COL4A1: variants seen among roughly 807,000 people sequenced by gnomAD.
COL4A1 encodes collagen alpha-1(IV) chain.
In COL4A1, 40 loss-of-function variants were observed where a neutral mutation model predicts 216.6. The observed-to-expected ratio is 0.18, with a 90% CI of 0.14 to 0.24. The LOEUF is 0.24. Ranked by LOEUF, COL4A1 falls within the 10% of genes least tolerant of loss-of-function variation. The probability of loss-of-function intolerance (pLI) is 1.00; values close to 1 mark genes in which losing one functional copy is unlikely to be tolerated. For missense variants in COL4A1, 1,628 were observed against 2,196.8 expected, an observed-to-expected ratio of 0.74 and a Z score of 5.18; for synonymous variants, 839 against 810.7, an observed-to-expected ratio of 1.03 and a Z score of -0.59.
chr13:110,227,692 C>G (rs1379037573), intron 2 of COL4A1, among the ~76,000 whole-genome samples: 1 of 152,222 alleles, frequency 6.6e-6, no homozygotes, highest in Non-Finnish European at 1.5e-5. Context: ...GGAAACTGAG[C>G]TCTCATGGGA....
intron 29 of COL4A1, among the ~76,000 whole-genome samples, chr13:110,180,536 G>A (rs1313328777): frequency 2.6e-5 from 4 of 152,260 alleles, no homozygotes; most frequent in South Asian, 2.1e-4. Context: ...ATCGATGGCC[G>A]TTGGCCCTTT....
At chr13:110,295,463 T>C (rs1884240816) in intron 1 of COL4A1, among the ~76,000 whole-genome samples, 1 of 150,396 alleles carries the variant, frequency 6.6e-6, no homozygotes, top group South Asian at 2.1e-4. Context: ...GTTGCTCTTG[T>C]TGCCCAGGCT....
At chr13:110,209,369 C>T (rs1566376029) in intron 11 of COL4A1, 23 bp downstream of exon 11, 2 of 1,610,268 alleles carry the variant, frequency 1.2e-6, no homozygotes, top group Admixed American at 1.7e-5. Flanking sequence ...TGCCAAAGAA[C>T]AAAAAATGAA....
chr13:110,250,624 G>T (rs1240934324), intron 1 of COL4A1, among the ~76,000 whole-genome samples: 3 of 152,174 alleles, frequency 2.0e-5, no homozygotes, highest in Non-Finnish European at 4.4e-5. Flanking sequence ...GCAAGCAGAT[G>T]TGAGTATGAT....
At position 110,260,608 on chromosome 13, in the gene COL4A1, C is replaced by T. The variant is rs116520734; in HGVS notation, c.85-17874G>A. ...AGATGAAGACGGAATGCATGCCTCT[C>T]GTGCTGACATACAGTATGACATTTT... On this transcript the variant is annotated intron_variant, in intron 1 of 51. Coordinates refer to ENST00000375820, the MANE Select transcript of COL4A1 (RefSeq NM_001845.6). Among the ~76,000 whole-genome samples, 173 of 152,314 alleles carry T rather than the reference C, an allele frequency of 1.1e-3. 1 individual carries two copies. Among genetic ancestry groups the T allele is most frequent in the African/African-American group, 3.8e-3 (159 of 41,560 alleles).
rs1880417461 is a variant in COL4A1 at position 110,220,386 on chromosome 13, T to C, written c.145-6371A>G. On this transcript the variant is annotated intron_variant, in intron 2 of 51. Transcript: ENST00000375820. ...ATGGTCTAACACAAAGCCTGTTTTA[T>C]AATAAAGTGTTTAATATCTTGTGTA... 3.3e-5 allele frequency among the ~76,000 whole-genome samples: 5 copies of C among 152,214 alleles called. No homozygotes were observed. In the South Asian group the frequency reaches 1.0e-3, roughly 31 times the overall value.
intron 51 of COL4A1, among the ~76,000 whole-genome samples, chr13:110,151,353 C>T (rs76132325): frequency 0.025 from 3,767 of 151,828 alleles, 60 homozygotes; most frequent in East Asian, 0.036. Context: ...AAGAGGACAC[C>T]GCAAGGGCTG....
At position 110,149,698 on chromosome 13, in the gene COL4A1, C is replaced by T. The variant is rs1212654272; in HGVS notation, c.*665G>A. 7 of 152,266 alleles carry T rather than the reference C, an allele frequency of 4.6e-5. No homozygotes were observed. The highest frequency in any genetic ancestry group is 1.2e-4 in the African/African-American group (5 of 41,380). The allele number at this position is 152,266 out of a possible 1,614,324, so 9.4% of individuals were successfully genotyped here. On this transcript the variant is annotated 3_prime_UTR_variant, in exon 52 of 52. Transcript: ENST00000375820. ...AAACCTTGATCTGCCTAATTGCTGACATCTATATAAATTACTAATATATAT... is the reference window on the plus strand; with the variant it reads ...AAACCTTGATCTGCCTAATTGCTGATATCTATATAAATTACTAATATATAT...
intron 18 of COL4A1, among the ~76,000 whole-genome samples, chr13:110,203,081 C>G (rs1042712287): frequency 6.6e-6 from 1 of 151,974 alleles, no homozygotes; most frequent in African/African-American, 2.4e-5. Flanking sequence ...GGCATGGTGG[C>G]GGGCACCTGC....
intron 4 of COL4A1, among the ~76,000 whole-genome samples, chr13:110,213,140 G>C (rs1879900342): frequency 6.6e-6 from 1 of 152,146 alleles, no homozygotes; most frequent in South Asian, 2.1e-4. Context: ...AAGGAGGTGA[G>C]GGATCAAAAA....
At chr13:110,258,171 T>TA (rs1445410067) in intron 1 of COL4A1, among the ~76,000 whole-genome samples, 1 of 152,230 alleles carries the variant, frequency 6.6e-6, no homozygotes, top group African/African-American at 2.4e-5. Flanking sequence ...AGAAAACCTT[T>TA]TGCTACCACA....
intron 25 of COL4A1, 77 bp from the exon 26 acceptor site, chr13:110,186,630 T>G (rs1207212310): frequency 3.2e-6 from 5 of 1,560,892 alleles, no homozygotes; most frequent in Admixed American, 3.7e-5. Context: ...CTTCTGACAT[T>G]TGTGGTCAAT....
At chr13:110,162,738 T>C (rs180921908) in intron 47 of COL4A1, among the ~76,000 whole-genome samples, 1 of 152,232 alleles carries the variant, frequency 6.6e-6, no homozygotes, top group East Asian at 1.9e-4. Flanking sequence ...ATATGACACA[T>C]ATGAAAATGG....
intron 2 of COL4A1, among the ~76,000 whole-genome samples, chr13:110,222,577 T>C (rs1880544112): frequency 7.3e-6 from 1 of 137,570 alleles, no homozygotes; most frequent in Admixed American, 7.8e-5. Flanking sequence ...ATCGAGACCA[T>C]CCTGGCTAAC....
At position 110,209,814 on chromosome 13, in the gene COL4A1, C is replaced by T. The variant is rs41275098; in HGVS notation, c.615+166G>A. 0.074 allele frequency: 63,749 copies of T among 860,440 alleles called. 2,478 individuals are homozygous for T. The highest frequency in any genetic ancestry group is 0.08 in the Non-Finnish European group (40,008 of 502,346). The allele number at this position is 860,440 out of a possible 1,614,324, so 53.3% of individuals were successfully genotyped here. On this transcript the variant is annotated intron_variant, in intron 10 of 51. Coordinates refer to ENST00000375820, the MANE Select transcript of COL4A1 (RefSeq NM_001845.6). ...CCCACAGCTCTGGGTATATGGGTACCGGGATGCCAGCCAAACGTTTAGTAA... is the reference window on the plus strand; with the variant it reads ...CCCACAGCTCTGGGTATATGGGTACTGGGATGCCAGCCAAACGTTTAGTAA...
intron 41 of COL4A1, 98 bp downstream of exon 41, chr13:110,172,622 A>T: frequency 8.3e-7 from 1 of 1,210,088 alleles, no homozygotes; most frequent in South Asian, 1.2e-5. Context: ...TGCCTGGCCA[A>T]CAGGCATGGG....
chr13:110,216,883 G>A (rs565974337), intron 2 of COL4A1, among the ~76,000 whole-genome samples: 133 of 152,128 alleles, frequency 8.7e-4, no homozygotes, highest in Non-Finnish European at 1.3e-3. Flanking sequence ...GTGACCCCTC[G>A]TGCTGCTGGG....
rs749107113 is a variant in COL4A1 at position 110,155,382 on chromosome 13, C to G, written c.4656G>C (p.Glu1552Asp). ...GCACGGCCATCACCATGGCAGGCGC[C>G]TCACACACAGCACACCTGGAAGTGG... ...RPFISRCAVC[E>D]APAMVMAVHS... The change falls in exon 50 of 52, where the codon GAG becomes GAC. Residue 1552 changes from glutamate (E) to aspartate (D), a missense_variant. This residue lies in a region of COL4A1 where 254 missense variants were observed against 300.1 expected (regional missense o/e 0.85). Coordinates refer to ENST00000375820, the MANE Select transcript of COL4A1 (RefSeq NM_001845.6). The G allele has an allele frequency of 6.2e-7, 1 of 1,614,006 alleles. No homozygotes were observed. Among genetic ancestry groups the G allele is most frequent in the Non-Finnish European group, 8.5e-7 (1 of 1,179,906 alleles).
At chr13:110,284,728 C>T (rs9588132) in intron 1 of COL4A1, among the ~76,000 whole-genome samples, 1 of 152,062 alleles carries the variant, frequency 6.6e-6, no homozygotes, top group African/African-American at 2.4e-5. Flanking sequence ...AAGAGAGGCT[C>T]GAATGGGCTT....
Sources: gnomAD v4.1 joint callset for allele counts (sites outside exome capture counted in the v4.1 genomes callset) on GRCh38, gnomAD v4.1.1 for gene constraint, gnomAD v4.1.1 regional missense constraint, MANE v1.5 for transcripts, NCBI Gene and HGNC (gene_info 2026-07-23, HGNC 2026-07-21) for gene names.